PLCG2: variants seen among roughly 807,000 people sequenced by gnomAD.
PLCG2 encodes phospholipase C gamma 2, also known as 1-phosphatidylinositol 4,5-bisphosphate phosphodiesterase gamma-2.
A neutral mutation model predicts 175.6 loss-of-function variants in PLCG2; 69 were observed. The ratio of observed to expected loss-of-function variants is 0.39; its 90% CI spans 0.32 to 0.48. The LOEUF (loss-of-function observed/expected upper bound fraction) is 0.48, where lower values mean the gene tolerates loss of function less well. Ranked by LOEUF, PLCG2 falls within the 20% of genes least tolerant of loss-of-function variation. The pLI, the probability that PLCG2 is intolerant of heterozygous loss-of-function variation, is 0.91. For synonymous variants in PLCG2, 827 were observed against 624.0 expected (o/e 1.33, Z -4.85); for missense variants, 1,798 against 1,650.9 (o/e 1.09, Z -1.54).
chr16:81,776,177 C>T (rs1190148810), upstream of PLCG2, among the ~76,000 whole-genome samples: 1 of 149,136 alleles, frequency 6.7e-6, no homozygotes, highest in Admixed American at 6.7e-5. Context: ...GGTACAATCT[C>T]GGCTCACTGC....
chr16:81,899,392 A>G (rs1044645399), intron 13 of PLCG2, among the ~76,000 whole-genome samples: 2 of 152,100 alleles, frequency 1.3e-5, no homozygotes, highest in African/African-American at 4.8e-5. Flanking sequence ...CACATGATAT[A>G]GAAGGATACA....
rs756167862 is a variant in PLCG2, at chr16:81,786,061, G to C, written c.72G>C (p.Leu24=). 12 of 1,614,192 alleles carry C rather than the reference G, an allele frequency of 7.4e-6. No individual in the cohort carries two copies. The highest frequency in any genetic ancestry group is 1.7e-5 in the Admixed American group (1 of 60,024). Reference sequence around the variant, plus strand: ...GCCAGATCAAGAGAGCCCTGGAGCTGGGGACGGTGATGACTGTGTTCAGCT... The same window carrying C: ...GCCAGATCAAGAGAGCCCTGGAGCTCGGGACGGTGATGACTGTGTTCAGCT... ...EKSQIKRALE[L]GTVMTVFSFR... The change falls in exon 2 of 33, where the codon CTG becomes CTC. Residue 24 remains leucine (L), a synonymous_variant. Coordinates refer to ENST00000564138, the MANE Select transcript of PLCG2 (RefSeq NM_002661.5).
intron 2 of PLCG2, among the ~76,000 whole-genome samples, chr16:81,812,390 A>T (rs1288934810): frequency 6.6e-6 from 1 of 152,154 alleles, no homozygotes; most frequent in African/African-American, 2.4e-5. Context: ...TCTAACTGGC[A>T]TGAGATGGTA....
intron 2 of PLCG2, among the ~76,000 whole-genome samples, chr16:81,817,959 G>A (rs957642033): frequency 7.2e-5 from 11 of 152,244 alleles, no homozygotes; most frequent in African/African-American, 2.4e-4. Context: ...AAGACCCAAA[G>A]GAGAAGACAG....
chr16:81,917,066 G>A (rs1168514287), intron 19 of PLCG2, among the ~76,000 whole-genome samples: 9 of 152,028 alleles, frequency 5.9e-5, no homozygotes, highest in East Asian at 1.9e-4. Flanking sequence ...CCCCTGCCCC[G>A]GACCCTGGTA....
At chr16:81,803,230 T>C (rs1032025705) in intron 2 of PLCG2, among the ~76,000 whole-genome samples, 3 of 151,112 alleles carry the variant, frequency 2.0e-5, no homozygotes, top group Non-Finnish European at 4.4e-5. Flanking sequence ...GCCATTCTCC[T>C]GCCTCAGCCT....
intron 2 of PLCG2, among the ~76,000 whole-genome samples, chr16:81,825,703 A>G (rs1237497060): frequency 1.3e-5 from 2 of 152,224 alleles, no homozygotes; most frequent in Non-Finnish European, 2.9e-5. Flanking sequence ...CACTCATCTA[A>G]TAGGAAACAC....
chr16:81,911,197 G>A (rs968656112), intron 18 of PLCG2, among the ~76,000 whole-genome samples: 9 of 152,204 alleles, frequency 5.9e-5, no homozygotes, highest in African/African-American at 1.9e-4. Flanking sequence ...CTGCAAAAAT[G>A]TCCATTTCCG....
chr16:81,893,435 C>T (rs1021196689), intron 11 of PLCG2, among the ~76,000 whole-genome samples: 14 of 106,222 alleles, frequency 1.3e-4, no homozygotes, highest in Non-Finnish European at 2.4e-4. Flanking sequence ...CCAACTTCTC[C>T]TCAAAAGAAC....
At chr16:81,817,769 A>C (rs1206346173) in intron 2 of PLCG2, among the ~76,000 whole-genome samples, 1 of 152,254 alleles carries the variant, frequency 6.6e-6, no homozygotes, top group Admixed American at 6.5e-5. Context: ...TTACAGGCAT[A>C]AGCCCCTGCA....
At chr16:81,804,535 T>G (rs898126338) in intron 2 of PLCG2, among the ~76,000 whole-genome samples, 9 of 152,236 alleles carry the variant, frequency 5.9e-5, no homozygotes, top group Non-Finnish European at 1.0e-4. Flanking sequence ...ATCATACATT[T>G]TAACCATCAC....
intron 31 of PLCG2, among the ~76,000 whole-genome samples, chr16:81,952,333 C>T (rs1480042903): frequency 1.3e-5 from 2 of 152,104 alleles, no homozygotes; most frequent in East Asian, 3.9e-4. Context: ...ACATACATAT[C>T]CTAGCTCACT....
At chr16:81,751,322 G>A (rs978221758) in intron 1 of PLCG2, among the ~76,000 whole-genome samples, 2 of 152,090 alleles carry the variant, frequency 1.3e-5, no homozygotes, top group Admixed American at 6.6e-5. Flanking sequence ...TGTCATTTGC[G>A]ACAACATGGA....
At chr16:81,833,181 C>T (rs1197208475) in intron 2 of PLCG2, among the ~76,000 whole-genome samples, 1 of 152,176 alleles carries the variant, frequency 6.6e-6, no homozygotes, top group African/African-American at 2.4e-5. Flanking sequence ...ATGAGGATAC[C>T]ACGTTTGGGG....
chr16:81,786,733 T>C (rs1910989314), intron 2 of PLCG2, among the ~76,000 whole-genome samples: 1 of 152,250 alleles, frequency 6.6e-6, no homozygotes, highest in Non-Finnish European at 1.5e-5. Context: ...GGGCAGCTGG[T>C]TCAGATCCTA....
At chr16:81,822,856 C>T (rs368494408) in intron 2 of PLCG2, among the ~76,000 whole-genome samples, 5 of 150,386 alleles carry the variant, frequency 3.3e-5, no homozygotes, top group African/African-American at 1.2e-4. Flanking sequence ...TGATGTGCTT[C>T]AAAGGCAGAG....
chr16:81,869,600 A>AT (rs1043404821), intron 6 of PLCG2, among the ~76,000 whole-genome samples: 9 of 152,054 alleles, frequency 5.9e-5, no homozygotes, highest in Non-Finnish European at 1.2e-4. Context: ...ACTGCAGCCC[A>AT]TTTTTTCCCT....
intron 7 of PLCG2, among the ~76,000 whole-genome samples, chr16:81,875,367 G>A (rs62046759): frequency 0.1 from 15,669 of 152,198 alleles, 968 homozygotes; most frequent in Non-Finnish European, 0.15. Context: ...GTCCAGAGAG[G>A]TTACTTTGCT....
intron 4 of PLCG2, 69 bp downstream of exon 4, chr16:81,858,425 G>T: frequency 9.7e-7 from 1 of 1,025,892 alleles, no homozygotes; most frequent in Non-Finnish European, 1.5e-6. Flanking sequence ...TAGCCAACAT[G>T]GGCTACAGGG....
Sources: allele counts gnomAD v4.1 joint callset (sites outside exome capture counted in the v4.1 genomes callset), GRCh38; gene constraint gnomAD v4.1.1; transcripts MANE v1.5; gene names NCBI Gene and HGNC (gene_info 2026-07-23, HGNC 2026-07-21).